Variants in PMM1 observed in about 807,000 individuals in gnomAD.
PMM1 encodes the protein brain glucose-1,6-bisphosphatase.
Under a neutral mutation model 34.0 loss-of-function variants are expected in PMM1, and 25 were observed. That is an observed-to-expected ratio of 0.73 (90% confidence interval 0.54 to 1.03). The LOEUF (loss-of-function observed/expected upper bound fraction) is 1.03. Ranked by LOEUF, PMM1 falls within the 50% of genes least tolerant of loss-of-function variation. The pLI is 0.00. For missense variants in PMM1, 321 were observed against 350.1 expected, an observed-to-expected ratio of 0.92 and a Z score of 0.66; for synonymous variants, 134 against 143.9, an observed-to-expected ratio of 0.93 and a Z score of 0.49.
rs1172175221 is a variant in PMM1, at chr22:41,583,993, A to G, written c.440T>C (p.Leu147Pro). The G allele has an allele frequency of 6.2e-7, 1 of 1,613,788 alleles. No homozygotes were observed. Among genetic ancestry groups the G allele is most frequent in the Non-Finnish European group, 8.5e-7 (1 of 1,179,660 alleles). ...NISPIGRSCT[L>P]EERIEFSELD... ...TTCGGAGAACTCGATCCTCTCCTCC[A>G]GGGTGCAGCTCCGGCCGATGGGCGA... Residue 147 changes from leucine (L) to proline (P), a missense_variant, in exon 5 of 8, where the codon CTG (leucine) becomes CCG (proline). Transcript: ENST00000216259.
intron 5 of PMM1, among the ~76,000 whole-genome samples, chr22:41,582,679 G>A (rs759488918): frequency 1.3e-5 from 2 of 152,082 alleles, no homozygotes; most frequent in Non-Finnish European, 2.9e-5. Context: ...TGATACTCTC[G>A]GAGGCCCCAC....
chr22:41,581,126 A>AC (rs2067242069), intron 5 of PMM1, among the ~76,000 whole-genome samples: 1 of 150,736 alleles, frequency 6.6e-6, no homozygotes, highest in African/African-American at 2.4e-5. Context: ...AAAAAAAAAA[A>AC]AAAAAAAAAC....
rs2067302482 is a variant in PMM1, at chr22:41,585,972, T to G, written c.205+104A>C. 3 of 831,828 alleles carry G rather than the reference T, an allele frequency of 3.6e-6. No homozygotes were observed. The African/African-American group carries it at 5.3e-5, about 15-fold the overall frequency. 51.5% of individuals were successfully genotyped at this position (831,828 alleles called of 1,614,324 possible). ...ATCAGTAAGGGAACTATCTGGCTGC[T>G]CTCTCTCTATTTCTTCTGCCCCACA... On this transcript the variant is annotated intron_variant, in intron 2 of 7. Transcript: ENST00000216259.
At chr22:41,589,470 C>T in intron 1 of PMM1, 2 of 581,058 alleles carry the variant, frequency 3.4e-6, no homozygotes, top group Non-Finnish European at 6.2e-6. Context: ...CAGCCTCCTC[C>T]CTCCAGTACT....
intron 3 of PMM1, 74 bp from the exon 4 acceptor site, chr22:41,584,446 C>G: frequency 1.9e-6 from 3 of 1,572,202 alleles, no homozygotes; most frequent in Non-Finnish European, 2.6e-6. Flanking sequence ...GTCTCTCCCC[C>G]AGCCCAGGAC....
intron 1 of PMM1, chr22:41,589,363 G>A (rs1019549054): frequency 9.0e-6 from 4 of 443,744 alleles, no homozygotes; most frequent in African/African-American, 8.0e-5. Context: ...GCTGAACTAG[G>A]GTGGGATCCC....
At position 41,577,046 on chromosome 22, in the gene PMM1, C is replaced by A. The variant is rs371544605; in HGVS notation, c.*272G>T. On this transcript the variant is annotated 3_prime_UTR_variant, in exon 8 of 8. Transcript: ENST00000216259. ...GCCTCCTCCTGGTGCAGAAAGAAACCTCTTCTGTACCGAAATACAAGCAGC... is the reference window on the plus strand; with the variant it reads ...GCCTCCTCCTGGTGCAGAAAGAAACATCTTCTGTACCGAAATACAAGCAGC... The A allele has an allele frequency of 1.9e-6, 1 of 513,226 alleles. No homozygotes were observed. Among genetic ancestry groups the A allele is most frequent in the Admixed American group, 3.2e-5 (1 of 30,854 alleles). 31.8% of individuals were successfully genotyped at this position (513,226 alleles called of 1,614,324 possible).
rs750213779 is a variant in PMM1 at position 41,586,197 on chromosome 22, TG to T, written c.88-5del. ...CGGCCACCTCAGGGTCAATTTTCTA[TG>T]GGGGGAGAGGGGAAGCATAGCATTC... On this transcript the variant is annotated splice_region_variant and splice_polypyrimidine_tract_variant and intron_variant, in intron 1 of 7. Transcript: ENST00000216259. 9.3e-6 allele frequency: 15 copies of T among 1,607,084 alleles called. No homozygotes were observed. In the Admixed American group the frequency reaches 2.2e-4, roughly 23 times the overall value.
chr22:41,577,453 G>C lies in PMM1; in HGVS notation c.667-13C>G. 1 of 1,607,216 alleles carries C rather than the reference G, an allele frequency of 6.2e-7. No homozygotes were observed. On this transcript the variant is annotated splice_polypyrimidine_tract_variant and intron_variant, in intron 7 of 7. Coordinates refer to ENST00000216259, the MANE Select transcript of PMM1 (RefSeq NM_002676.3). ...AGTCGTTCCCACCCTGCACACAGAG[G>C]ATGGGCAGAGGAGGGATATTTAGGT...
chr22:41,584,566 C>T lies in PMM1; in HGVS notation c.243G>A (p.Gly81=). ...EKFDYVFAEN[G]TVQYKHGRLL... The stretch of plus-strand genomic sequence containing the variant: ...GTCGTCCGTGCTTATACTGCACCGT[C>T]CCGTTCTCGGCAAACACATAATCAA... Residue 81 remains glycine, a synonymous_variant, in exon 3 of 8, where the codon GGG becomes GGA. Coordinates refer to ENST00000216259, the MANE Select transcript of PMM1 (RefSeq NM_002676.3). 1 of 1,613,988 alleles carries T rather than the reference C, an allele frequency of 6.2e-7. No individual in the cohort carries two copies.
At chr22:41,585,979 CTA>C (rs1365013181) in intron 2 of PMM1, 95 bp downstream of exon 2, 24 of 892,572 alleles carry the variant, frequency 2.7e-5, no homozygotes, top group Non-Finnish European at 7.0e-6. Flanking sequence ...TGCTCTCTCT[CTA>C]TTTCTTCTGC....
At chr22:41,588,628 T>G in intron 1 of PMM1, 1 of 985,058 alleles carries the variant, frequency 1.0e-6, no homozygotes, top group Non-Finnish European at 1.2e-6. Flanking sequence ...GTGCTGGGAT[T>G]ACAGGCGTGA....
At chr22:41,589,094 T>A in intron 1 of PMM1, 1 of 1,303,968 alleles carries the variant, frequency 7.7e-7, no homozygotes, top group South Asian at 1.2e-5. Flanking sequence ...AGGCTAGGCC[T>A]GGAGCCTCTC....
chr22:41,582,910 G>C (rs1228653467), intron 5 of PMM1, among the ~76,000 whole-genome samples: 1 of 152,208 alleles, frequency 6.6e-6, no homozygotes, highest in Non-Finnish European at 1.5e-5. Flanking sequence ...ATCCCCGAGA[G>C]GGAGGGAGGC....
At chr22:41,588,592 T>G in intron 1 of PMM1, 4 of 921,986 alleles carry the variant, frequency 4.3e-6, no homozygotes, top group Non-Finnish European at 3.9e-6. Flanking sequence ...TGACCTCAGG[T>G]GATCTGCCCA....
intron 7 of PMM1, 148 bp downstream of exon 7, chr22:41,577,660 T>C: frequency 9.3e-6 from 7 of 754,822 alleles, no homozygotes; most frequent in South Asian, 3.5e-5. Context: ...TGGTGAGCAA[T>C]GGTTGTTCTC....
chr22:41,584,357 G>A lies in PMM1; in HGVS notation c.298C>T (p.Leu100=), dbSNP rs2067283107. The change falls in exon 4 of 8, where the codon CTG becomes TTG. Residue 100 remains leucine (L), a synonymous_variant. Coordinates refer to ENST00000216259, the MANE Select transcript of PMM1 (RefSeq NM_002676.3). Reference sequence around the variant, plus strand: ...AAGTCCTGCAGCAGCTCCTCCCCCAGGTGGTTCTGGATGGTCTGGCCAAGG... The same window carrying A: ...AAGTCCTGCAGCAGCTCCTCCCCCAAGTGGTTCTGGATGGTCTGGCCAAGG... The part of the protein sequence containing the change: ...LLSKQTIQNH[L]GEELLQDLIN... The A allele has an allele frequency of 6.2e-7, 1 of 1,614,016 alleles. No individual in the cohort carries two copies. The highest frequency in any genetic ancestry group is 1.7e-5 in the Admixed American group (1 of 59,988).
intron 5 of PMM1, among the ~76,000 whole-genome samples, chr22:41,581,037 C>A (rs1312542899): frequency 6.6e-6 from 1 of 150,770 alleles, no homozygotes. Context: ...ATCGCTTGAA[C>A]CCGGGAGGCA....
intron 2 of PMM1, 51 bp downstream of exon 2, chr22:41,586,025 C>G: frequency 7.3e-7 from 1 of 1,373,198 alleles, no homozygotes; most frequent in Non-Finnish European, 1.0e-6. Context: ...TTGAAGACGC[C>G]CAGGAATCTC....
Sources: allele counts gnomAD v4.1 joint callset (sites outside exome capture counted in the v4.1 genomes callset), GRCh38; gene constraint gnomAD v4.1.1; transcripts MANE v1.5; gene names NCBI Gene and HGNC (gene_info 2026-07-23, HGNC 2026-07-21).